VRK3: variants seen among roughly 807,000 people sequenced by gnomAD.
The protein encoded by VRK3 is VRK serine/threonine kinase 3.
In VRK3, 50 loss-of-function variants were observed where a neutral mutation model predicts 60.4. That is an observed-to-expected ratio of 0.83 (90% confidence interval 0.66 to 1.05). The LOEUF is 1.05. Among genes scored for constraint, VRK3 ranks in the 50% least tolerant of loss-of-function variants. The probability of loss-of-function intolerance (pLI) is 0.00; values close to 1 mark genes in which losing one functional copy is unlikely to be tolerated. For synonymous variants in VRK3, 246 were observed against 227.8 expected (o/e 1.08, Z -0.72); for missense variants, 549 against 585.3 (o/e 0.94, Z 0.64).
intron 13 of VRK3, 146 bp downstream of exon 13, chr19:49,980,809 G>T: frequency 1.5e-6 from 1 of 645,220 alleles, no homozygotes; most frequent in Non-Finnish European, 2.6e-6. Context: ...TGACGATTTT[G>T]TCTTTCTACA....
At chr19:50,006,292 A>G (rs2076889681) in intron 5 of VRK3, among the ~76,000 whole-genome samples, 1 of 151,140 alleles carries the variant, frequency 6.6e-6, no homozygotes, top group Admixed American at 6.6e-5. Context: ...CCTGGGTGAC[A>G]GAGCAAGACT....
chr19:49,995,524 A>G (rs1413310222), intron 7 of VRK3, among the ~76,000 whole-genome samples: 1 of 152,196 alleles, frequency 6.6e-6, no homozygotes, highest in Non-Finnish European at 1.5e-5. Flanking sequence ...GGAAGCATAT[A>G]CAAGTCTGGA....
At chr19:49,994,008 C>A (rs1376287877) in intron 9 of VRK3, among the ~76,000 whole-genome samples, 1 of 152,162 alleles carries the variant, frequency 6.6e-6, no homozygotes, top group East Asian at 1.9e-4. Context: ...CAGATCCCAG[C>A]CCCTCAGCCT....
chr19:50,010,079 CACACATACAATGATTGTGTGTATAT>C (rs1568807918), intron 3 of VRK3, among the ~76,000 whole-genome samples: 1 of 150,224 alleles, frequency 6.7e-6, no homozygotes, highest in East Asian at 2.0e-4. Context: ...CACACATATA[CACACATACAATGATTGTGTGTATAT>C]ATATACACAC....
chr19:49,990,176 G>T (rs2076586039), intron 10 of VRK3, among the ~76,000 whole-genome samples: 1 of 152,138 alleles, frequency 6.6e-6, no homozygotes, highest in South Asian at 2.1e-4. Context: ...GGGCCAGATG[G>T]CCTGGGTTCA....
At chr19:50,011,033 A>T (rs555131617) in intron 3 of VRK3, among the ~76,000 whole-genome samples, 15 of 152,356 alleles carry the variant, frequency 9.8e-5, no homozygotes, top group African/African-American at 3.4e-4. Flanking sequence ...TTTTCTGTGG[A>T]ACAATTGCTT....
At chr19:50,012,054 C>T (rs78109736) in intron 3 of VRK3, among the ~76,000 whole-genome samples, 7,902 of 151,976 alleles carry the variant, frequency 0.052, 683 homozygotes, top group African/African-American at 0.18. Flanking sequence ...TCACCGCAAC[C>T]TCTCCCTTCC....
chr19:49,983,792 A>G (rs1431319107), intron 12 of VRK3, among the ~76,000 whole-genome samples: 4 of 152,206 alleles, frequency 2.6e-5, no homozygotes, highest in Non-Finnish European at 5.9e-5. Context: ...GGGTGCCAGG[A>G]AACGAGCATG....
At chr19:49,992,358 C>T (rs758707394) in intron 10 of VRK3, among the ~76,000 whole-genome samples, 5 of 152,276 alleles carry the variant, frequency 3.3e-5, no homozygotes, top group East Asian at 1.9e-4. Context: ...GAGCCGAGAT[C>T]GTGCCATTGC....
chr19:50,013,963 T>C (rs1323107276), intron 3 of VRK3, among the ~76,000 whole-genome samples: 3 of 152,258 alleles, frequency 2.0e-5, no homozygotes, highest in East Asian at 1.9e-4. Flanking sequence ...AAAGTAACAA[T>C]TGAATAAATA....
At position 49,980,945 on chromosome 19, in the gene VRK3, C is replaced by G; in HGVS notation, c.1276+10G>C. ...AGTCCCCGCCTGTTCCCGCTCCCTT[C>G]AGGACGTACCTGAGGGCCTGATCCA... On this transcript the variant is annotated intron_variant, in intron 13 of 14. Transcript: ENST00000316763. The G allele has an allele frequency of 3.1e-6, 5 of 1,607,456 alleles. No homozygotes were observed. Among genetic ancestry groups the G allele is most frequent in the Non-Finnish European group, 4.2e-6 (5 of 1,176,966 alleles).
At chr19:49,988,278 C>T (rs2076551313) in intron 12 of VRK3, 94 bp downstream of exon 12, 4 of 1,516,606 alleles carry the variant, frequency 2.6e-6, no homozygotes, top group African/African-American at 2.8e-5. Context: ...GCCACCTCCC[C>T]TTCCCTCCTG....
chr19:49,988,670 C>T (rs2123077040), intron 11 of VRK3, among the ~76,000 whole-genome samples, 178 bp from the exon 12 acceptor site: 1 of 150,444 alleles, frequency 6.6e-6, no homozygotes, highest in Non-Finnish European at 1.5e-5. Context: ...CAGAAGCTGA[C>T]TCATTCTCTC....
intron 10 of VRK3, among the ~76,000 whole-genome samples, chr19:49,990,220 C>G (rs1416165230): frequency 6.6e-6 from 1 of 152,124 alleles, no homozygotes; most frequent in African/African-American, 2.4e-5. Context: ...GCGGTACAAC[C>G]TTGGGCAAGC....
intron 1 of VRK3, among the ~76,000 whole-genome samples, chr19:50,023,462 C>G (rs1042369839): frequency 6.6e-6 from 1 of 152,166 alleles, no homozygotes; most frequent in Non-Finnish European, 1.5e-5. Context: ...ATTACAGGCT[C>G]GAGCCACCGT....
intron 3 of VRK3, among the ~76,000 whole-genome samples, chr19:50,012,289 A>T (rs1439252115): frequency 6.6e-6 from 1 of 152,066 alleles, no homozygotes; most frequent in Non-Finnish European, 1.5e-5. Context: ...CTTCATCCCT[A>T]GCTCAGCTCA....
At chr19:49,995,835 G>A (rs578149282) in intron 7 of VRK3, among the ~76,000 whole-genome samples, 1 of 152,056 alleles carries the variant, frequency 6.6e-6, no homozygotes, top group South Asian at 2.1e-4. Flanking sequence ...TGCAACCTCC[G>A]CTTCCTGATT....
intron 9 of VRK3, among the ~76,000 whole-genome samples, chr19:49,993,377 T>G (rs2076645506): frequency 1.3e-5 from 2 of 152,132 alleles, no homozygotes; most frequent in South Asian, 4.1e-4. Flanking sequence ...CCCTATGAGC[T>G]CCAGACTCTT....
chr19:49,992,007 T>C (rs1023643692), intron 10 of VRK3, among the ~76,000 whole-genome samples: 2 of 152,270 alleles, frequency 1.3e-5, no homozygotes, highest in Non-Finnish European at 2.9e-5. Context: ...CCCATTTCAC[T>C]ATTACAATCA....
Sources: gnomAD v4.1 joint callset for allele counts (sites outside exome capture counted in the v4.1 genomes callset) on GRCh38, gnomAD v4.1.1 for gene constraint, MANE v1.5 for transcripts, NCBI Gene and HGNC (gene_info 2026-07-23, HGNC 2026-07-21) for gene names.